Variants in TET3 observed in about 807,000 individuals in gnomAD.
TET3 encodes tet methylcytosine dioxygenase 3.
A neutral mutation model predicts 141.4 loss-of-function variants in TET3; 19 were observed. The observed-to-expected ratio is 0.13, with a 90% CI of 0.09 to 0.20. TET3 has a LOEUF of 0.20. TET3 is among the 10% of genes least tolerant of loss of function. The pLI, the probability that TET3 is intolerant of heterozygous loss-of-function variation, is 1.00. For missense variants in TET3, 1,874 were observed against 2,356.9 expected, an observed-to-expected ratio of 0.80 and a Z score of 4.24; for synonymous variants, 1,043 against 980.9, an observed-to-expected ratio of 1.06 and a Z score of -1.18.
intron 6 of TET3, among the ~76,000 whole-genome samples, chr2:74,085,377 C>T (rs775904325): frequency 6.6e-6 from 1 of 152,200 alleles, no homozygotes; most frequent in African/African-American, 2.4e-5. Context: ...GCATCCGGCC[C>T]ACCTTCCTCA....
chr2:74,075,092 G>A (rs1689426644), intron 5 of TET3, among the ~76,000 whole-genome samples: 1 of 152,020 alleles, frequency 6.6e-6, no homozygotes, highest in Non-Finnish European at 1.5e-5. Context: ...GGATGGTCTC[G>A]ATCTCCTGAC....
At chr2:74,080,070 A>G (rs12713809) in intron 5 of TET3, among the ~76,000 whole-genome samples, 44,633 of 152,162 alleles carry the variant, frequency 0.29, 6,913 homozygotes, top group African/African-American at 0.36. Flanking sequence ...GGGATTATTC[A>G]AAGAGAATAA....
Position 74,047,061 on chromosome 2 carries a change from T to G in TET3, c.1144T>G (p.Cys382Gly). 6.2e-7 allele frequency: 1 copy of G among 1,613,944 alleles called. No homozygotes were observed. The highest frequency in any genetic ancestry group is 8.5e-7 in the Non-Finnish European group (1 of 1,179,854). ...QPSHSTPQAS[C>G]PLPEALSPPA... ...TTCTCATTCCACCCCCCAGGCTTCT[T>G]GCCCCCTTCCTGAGGCCTTGTCACC... Residue 382 changes from cysteine (C) to glycine (G), a missense_variant, in exon 4 of 12, where the codon TGC (cysteine) becomes GGC (glycine). This residue lies in a region of TET3 where 484 missense variants were observed against 462.2 expected (regional missense o/e 1.05). Coordinates refer to ENST00000409262, the MANE Select transcript of TET3 (RefSeq NM_001287491.2).
At position 74,054,786 on chromosome 2, in the gene TET3, G is replaced by A. The variant is rs894951116; in HGVS notation, c.2494+6375G>A. Among the ~76,000 whole-genome samples, 7 of 152,324 alleles carry A rather than the reference G, an allele frequency of 4.6e-5. No individual in the cohort carries two copies. In the South Asian group the frequency reaches 1.2e-3, roughly 27 times the overall value. On this transcript the variant is annotated intron_variant, in intron 4 of 11. Transcript: ENST00000409262. Reference sequence around the variant, plus strand: ...AACAGCATCAGAAAAGAAGGGTTAGGATTTAATGCTGGATTCTTTCTTGTC... The same window carrying A: ...AACAGCATCAGAAAAGAAGGGTTAGAATTTAATGCTGGATTCTTTCTTGTC...
chr2:74,135,267 G>A, the TET3 span: 8 of 466,344 alleles, frequency 1.7e-5, no homozygotes, highest in Admixed American at 7.1e-5. Flanking sequence ...GAGCAGTTTC[G>A]TGGAGGGGAA....
Position 74,107,331 on chromosome 2 carries a change from G to A in TET3, c.*5155G>A, listed in dbSNP as rs1269283826. On this transcript the variant is annotated 3_prime_UTR_variant, in exon 12 of 12. Transcript: ENST00000409262. ...AGTTGCTTTTTGCCTAAGAATCAGC[G>A]AGCGATTTGGCCTACTTCCTCATTG... 6.6e-6 allele frequency: 1 copy of A among 152,232 alleles called. No homozygotes were observed. The highest frequency in any genetic ancestry group is 1.5e-5 in the Non-Finnish European group (1 of 68,058). The allele number at this position is 152,232 out of a possible 1,614,324, so 9.4% of individuals were successfully genotyped here.
intron 3 of TET3, among the ~76,000 whole-genome samples, chr2:74,045,526 G>C (rs1053181561): frequency 3.3e-5 from 5 of 152,176 alleles, no homozygotes; most frequent in Non-Finnish European, 7.3e-5. Flanking sequence ...GGGGATATGA[G>C]GTATATGGTG....
At chr2:74,057,347 A>G (rs1688273794) in intron 4 of TET3, among the ~76,000 whole-genome samples, 1 of 152,222 alleles carries the variant, frequency 6.6e-6, no homozygotes, top group Non-Finnish European at 1.5e-5. Context: ...TGGCTCCAAC[A>G]GACAAAGGGC....
Position 74,105,140 on chromosome 2 carries a change from A to AT in TET3, c.*2969dup, listed in dbSNP as rs1414491253. The AT allele has an allele frequency of 2.5e-6, 1 of 398,476 alleles. No homozygotes were observed. Among genetic ancestry groups the AT allele is most frequent in the Non-Finnish European group, 4.4e-6 (1 of 226,070 alleles). The allele number at this position is 398,476 out of a possible 1,614,324, so 24.7% of individuals were successfully genotyped here. The stretch of plus-strand genomic sequence containing the variant: ...TAAGTCCTAAAGATGATTAACAGAC[A>AT]TTTTTATCATGAGAAGAAAAATAAA... On this transcript the variant is annotated 3_prime_UTR_variant, in exon 12 of 12. Transcript: ENST00000409262.
At chr2:73,988,033 C>G (rs375163059) in intron 2 of TET3, among the ~76,000 whole-genome samples, 48 of 152,288 alleles carry the variant, frequency 3.2e-4, no homozygotes, top group African/African-American at 1.1e-3. Context: ...ATGTCCTGAC[C>G]CAGGGACTGC....
chr2:74,076,159 CTT>C (rs5832120), intron 5 of TET3, among the ~76,000 whole-genome samples: 2 of 146,490 alleles, frequency 1.4e-5, no homozygotes. Flanking sequence ...TGACATATGT[CTT>C]TTTTTTTTTA....
At chr2:74,035,848 CTAAA>C (rs1225982930) in intron 3 of TET3, among the ~76,000 whole-genome samples, 1 of 151,996 alleles carries the variant, frequency 6.6e-6, no homozygotes, top group South Asian at 2.1e-4. Flanking sequence ...CCCTTCTCTA[CTAAA>C]TAAATAAATA....
chr2:74,134,551 T>G, the TET3 span: 10 of 369,516 alleles, frequency 2.7e-5, no homozygotes, highest in Admixed American at 1.6e-4. Flanking sequence ...ACTTCTCTGG[T>G]GGTCGGTTCC....
intron 8 of TET3, among the ~76,000 whole-genome samples, chr2:74,092,536 G>T (rs1490331599): frequency 6.6e-6 from 1 of 152,108 alleles, no homozygotes; most frequent in African/African-American, 2.4e-5. Flanking sequence ...CACAGTTGTT[G>T]CTCTTGGCTT....
chr2:74,064,755 T>C (rs1002930313), intron 4 of TET3, among the ~76,000 whole-genome samples: 1 of 152,156 alleles, frequency 6.6e-6, no homozygotes, highest in Non-Finnish European at 1.5e-5. Context: ...GTAAAAAATT[T>C]GAAAAAACTG....
chr2:74,103,368 C>T lies in TET3; in HGVS notation c.*1192C>T, dbSNP rs115398146. ...CAGACCAGTGTAACAACAGTTAATGCATCTATCCTGATCCCTGAATTTCCA... is the reference window on the plus strand; with the variant it reads ...CAGACCAGTGTAACAACAGTTAATGTATCTATCCTGATCCCTGAATTTCCA... On this transcript the variant is annotated 3_prime_UTR_variant, in exon 12 of 12. Transcript: ENST00000409262. 0.021 allele frequency: 3,212 copies of T among 152,372 alleles called. 39 individuals are homozygous for T. The highest frequency in any genetic ancestry group is 0.039 in the African/African-American group (1,629 of 41,544). The allele number at this position is 152,372 out of a possible 1,614,324, so 9.4% of individuals were successfully genotyped here.
intron 8 of TET3, among the ~76,000 whole-genome samples, chr2:74,091,123 C>T (rs1378355739): frequency 3.9e-5 from 6 of 152,142 alleles, no homozygotes; most frequent in Non-Finnish European, 2.9e-5. Flanking sequence ...GGCTTTTAGA[C>T]TTAAATAGTC....
At chr2:73,989,385 C>A (rs1020435046) in intron 2 of TET3, among the ~76,000 whole-genome samples, 1 of 152,166 alleles carries the variant, frequency 6.6e-6, no homozygotes, top group Non-Finnish European at 1.5e-5. Flanking sequence ...GGCACTCTTC[C>A]TTACTTCCCT....
the TET3 span, among the ~76,000 whole-genome samples, chr2:74,126,884 A>C: frequency 6.6e-6 from 1 of 152,218 alleles, no homozygotes; most frequent in African/African-American, 2.4e-5. Flanking sequence ...AGAATAAAAT[A>C]ATTTGCCATC....
Sources: gnomAD v4.1 joint callset for allele counts (sites outside exome capture counted in the v4.1 genomes callset) on GRCh38, gnomAD v4.1.1 for gene constraint, gnomAD v4.1.1 regional missense constraint, MANE v1.5 for transcripts, NCBI Gene and HGNC (gene_info 2026-07-23, HGNC 2026-07-21) for gene names.